The following EIF3M variants were observed in gnomAD, a reference collection of about 807,000 sequenced individuals.
EIF3M encodes eukaryotic translation initiation factor 3 subunit M.
EIF3M carries 25 observed loss-of-function variants against 49.7 expected under a neutral mutation model. The observed-to-expected ratio is 0.50, with a 90% CI of 0.37 to 0.70. The LOEUF is 0.70. Among genes scored for constraint, EIF3M ranks in the 30% least tolerant of loss-of-function variants. The pLI, the probability that EIF3M is intolerant of heterozygous loss-of-function variation, is 0.00. For missense variants in EIF3M, 350 were observed against 440.0 expected (o/e 0.80, Z 1.83); for synonymous variants, 156 against 149.8 (o/e 1.04, Z -0.30).
In EIF3M at chr11:32,592,025, A is replaced by G. The variant is rs1367591389; in HGVS notation, c.534-1841A>G. The G allele has an allele frequency of 1.1e-5, 3 of 281,484 alleles. No homozygotes were observed. In the Admixed American group the frequency reaches 1.4e-4, roughly 13 times the overall value. The allele number at this position is 281,484 out of a possible 1,614,324, so 17.4% of individuals were successfully genotyped here. ...TACCACCACCATACCCGCCTCTACT[A>G]TCAAAACCAGGACAACTGCGGTAGT... On this transcript the variant is annotated intron_variant, in intron 5 of 10. Coordinates refer to ENST00000531120, the MANE Select transcript of EIF3M (RefSeq NM_006360.6).
At chr11:32,600,560 T>C in intron 8 of EIF3M, 129 bp from the exon 9 acceptor site, 1 of 1,143,634 alleles carries the variant, frequency 8.7e-7, no homozygotes, top group Non-Finnish European at 1.2e-6. Context: ...TTGTTCTATA[T>C]AAGTGCTCAA....
In EIF3M at chr11:32,604,643, CAT is replaced by C. The variant is rs1298815547; in HGVS notation, c.*2247_*2248del. ...AAGTCTGTTAAGAGGATAGCTCCAT[CAT>C]ATTCTGTGTTCTGCAAATTATTTCT... On this transcript the variant is annotated 3_prime_UTR_variant, in exon 11 of 11. Coordinates refer to ENST00000531120, the MANE Select transcript of EIF3M (RefSeq NM_006360.6). 1.3e-5 allele frequency: 2 copies of C among 152,294 alleles called. No homozygotes were observed. The highest frequency in any genetic ancestry group is 1.9e-4 in the East Asian group (1 of 5,180). 9.4% of individuals were successfully genotyped at this position (152,294 alleles called of 1,614,324 possible). A position where few individuals can be genotyped will look rare whatever the true frequency, so the allele number is the denominator to read the frequency against.
intron 8 of EIF3M, among the ~76,000 whole-genome samples, chr11:32,598,967 A>G (rs1855219809): frequency 6.6e-6 from 1 of 152,110 alleles, no homozygotes; most frequent in Middle Eastern, 3.2e-3. Context: ...TATGCAAATC[A>G]GTATTCTATT....
intron 8 of EIF3M, among the ~76,000 whole-genome samples, chr11:32,600,391 T>C (rs1344192864): frequency 6.6e-6 from 1 of 151,932 alleles, no homozygotes; most frequent in Non-Finnish European, 1.5e-5. Context: ...TATAACTATT[T>C]AAAAATGTAA....
intron 5 of EIF3M, chr11:32,592,788 T>A: frequency 2.5e-6 from 1 of 405,562 alleles, no homozygotes. Context: ...GAGTTCAGTA[T>A]TAATTTTTTA....
At chr11:32,600,652 A>G (rs1363748077) in intron 8 of EIF3M, 37 bp from the exon 9 acceptor site, 1 of 1,560,382 alleles carries the variant, frequency 6.4e-7, no homozygotes, top group Admixed American at 2.0e-5. Flanking sequence ...TTTAATTAGT[A>G]TGAACACTCA....
chr11:32,599,269 T>C (rs902055833), intron 8 of EIF3M, among the ~76,000 whole-genome samples: 1 of 152,052 alleles, frequency 6.6e-6, no homozygotes, highest in Non-Finnish European at 1.5e-5. Context: ...TAATTTGCAT[T>C]GTTAATTAGG....
At chr11:32,597,817 C>T (rs551134642) in intron 8 of EIF3M, among the ~76,000 whole-genome samples, 1 of 152,236 alleles carries the variant, frequency 6.6e-6, no homozygotes, top group South Asian at 2.1e-4. Context: ...CATATTAAGA[C>T]TGAATTTTTT....
At position 32,595,047 on chromosome 11, in the gene EIF3M, C is replaced by T. The variant is rs370641696; in HGVS notation, c.717+34C>T. ...TTTATCCTTTAATGTGAAAAATGTT[C>T]TCCTTTCCTAAATTTTACATACTGA... On this transcript the variant is annotated intron_variant, in intron 7 of 10. Transcript: ENST00000531120. 30 of 1,578,920 alleles carry T rather than the reference C, an allele frequency of 1.9e-5. No individual in the cohort carries two copies. The African/African-American group carries it at 3.6e-4, about 19-fold the overall frequency.
chr11:32,598,522 T>C (rs1403656592), intron 8 of EIF3M, among the ~76,000 whole-genome samples: 2 of 152,118 alleles, frequency 1.3e-5, no homozygotes, highest in Admixed American at 1.3e-4. Context: ...CTTAGTAGTT[T>C]GATTTTTCAG....
chr11:32,595,299 C>A (rs1270765189), intron 7 of EIF3M, among the ~76,000 whole-genome samples: 1 of 151,916 alleles, frequency 6.6e-6, no homozygotes, highest in Non-Finnish European at 1.5e-5. Flanking sequence ...GATCTTGGCT[C>A]ACTGCAACCT....
intron 6 of EIF3M, 89 bp from the exon 7 acceptor site, chr11:32,594,825 C>T (rs919983427): frequency 2.2e-5 from 26 of 1,197,990 alleles, no homozygotes; most frequent in South Asian, 2.1e-4. Flanking sequence ...GATATTTTGC[C>T]GAATTAAGTA....
Position 32,600,842 on chromosome 11 carries a change from A to C in EIF3M, c.943+10A>C, listed in dbSNP as rs1159760456. On this transcript the variant is annotated intron_variant, in intron 9 of 10. Transcript: ENST00000531120. Reference sequence around the variant, plus strand: ...GCATTTGTTATTGACGGTAAGGCAGACAGAACATTTTCATTTATTTCTAGA... The same window carrying C: ...GCATTTGTTATTGACGGTAAGGCAGCCAGAACATTTTCATTTATTTCTAGA... 2 of 1,586,000 alleles carry C rather than the reference A, an allele frequency of 1.3e-6. No homozygotes were observed. The highest frequency in any genetic ancestry group is 1.7e-6 in the Non-Finnish European group (2 of 1,168,848).
chr11:32,595,774 ATTAT>A (rs1245274665), intron 7 of EIF3M, among the ~76,000 whole-genome samples, 188 bp from the exon 8 acceptor site: 1 of 152,200 alleles, frequency 6.6e-6, no homozygotes, highest in Non-Finnish European at 1.5e-5. Flanking sequence ...GTATTTACTG[ATTAT>A]TTCATTTTAA....
Position 32,587,085 on chromosome 11 carries a change from A to T in EIF3M, c.116A>T (p.His39Leu), listed in dbSNP as rs1479697632. 1.4e-5 allele frequency: 23 copies of T among 1,612,874 alleles called. No individual in the cohort carries two copies. The highest frequency in any genetic ancestry group is 2.0e-5 in the Non-Finnish European group (23 of 1,179,122). The change falls in exon 2 of 11, where the codon CAT becomes CTT. Residue 39 changes from histidine to leucine, a missense_variant. Transcript: ENST00000531120. ...ISEENSEGGL[H>L]VDLAQIIEAC... is the part of the protein sequence containing the mutation. ...GAAGAGAACTCGGAAGGTGGACTTC[A>T]TGTTGATTTAGCTCAAATTATTGAA...
intron 4 of EIF3M, 65 bp downstream of exon 4, chr11:32,589,200 G>C (rs1167317513): frequency 6.3e-7 from 1 of 1,576,754 alleles, no homozygotes; most frequent in Non-Finnish European, 8.6e-7. Context: ...TTTTGAGACG[G>C]AGTTTCACTG....
At chr11:32,590,926 C>T (rs1270610088) in intron 5 of EIF3M, among the ~76,000 whole-genome samples, 1 of 152,002 alleles carries the variant, frequency 6.6e-6, no homozygotes, top group Non-Finnish European at 1.5e-5. Flanking sequence ...TCTCAGCTCA[C>T]TGCGAGCTCC....
intron 5 of EIF3M, among the ~76,000 whole-genome samples, chr11:32,593,555 C>T (rs1855134825): frequency 6.6e-6 from 1 of 152,202 alleles, no homozygotes; most frequent in African/African-American, 2.4e-5. Flanking sequence ...ATTTTGGTCT[C>T]AGCTTACTTG....
intron 1 of EIF3M, 152 bp from the exon 2 acceptor site, chr11:32,586,860 C>T: frequency 9.5e-7 from 1 of 1,049,860 alleles, no homozygotes; most frequent in Non-Finnish European, 1.3e-6. Flanking sequence ...GTGGGATTGC[C>T]AAGATGGATG....
Sources: allele counts gnomAD v4.1 joint callset (sites outside exome capture counted in the v4.1 genomes callset), GRCh38; gene constraint gnomAD v4.1.1; transcripts MANE v1.5; gene names NCBI Gene and HGNC (gene_info 2026-07-23, HGNC 2026-07-21).